EGLN3: variants seen among roughly 807,000 people sequenced by gnomAD.
The protein encoded by EGLN3 is prolyl hydroxylase EGLN3.
In EGLN3, 15 loss-of-function variants were observed where a neutral mutation model predicts 26.0. The ratio of observed to expected loss-of-function variants is 0.58; its 90% confidence interval spans 0.39 to 0.89. The LOEUF is 0.89. Among genes scored for constraint, EGLN3 ranks in the 40% least tolerant of loss-of-function variants. EGLN3 has a pLI of 0.00. For missense variants in EGLN3, 238 were observed against 311.6 expected (o/e 0.76, Z 1.78); for synonymous variants, 147 against 127.2 (o/e 1.16, Z -1.05).
chr14:33,933,739 C>G (rs1389796766), intron 1 of EGLN3, among the ~76,000 whole-genome samples: 1 of 152,088 alleles, frequency 6.6e-6, no homozygotes, highest in African/African-American at 2.4e-5. Flanking sequence ...GCAAGCCTGA[C>G]TTCAATAACT....
intron 3 of EGLN3, among the ~76,000 whole-genome samples, chr14:33,928,754 T>G (rs2064379653): frequency 6.6e-6 from 1 of 151,864 alleles, no homozygotes; most frequent in Non-Finnish European, 1.5e-5. Flanking sequence ...TAGTTCAACA[T>G]TAGGTTTTTT....
Position 33,929,132 on chromosome 14 carries a change from C to G in EGLN3, c.558G>C (p.Leu186=), listed in dbSNP as rs987678132. The change falls in exon 3 of 5, where the codon CTG becomes CTC. Residue 186 remains leucine, a synonymous_variant. Transcript: ENST00000250457. The part of the protein sequence containing the change: ...ADVEPIFDRL[L]FFWSDRRNPH... The stretch of plus-strand genomic sequence containing the variant: ...GGTTCCTACGATCTGACCAGAAGAA[C>G]AGGAGTCTGTCAAAAATGGGCTCCA... 6 of 1,614,082 alleles carry G rather than the reference C, an allele frequency of 3.7e-6. No individual in the cohort carries two copies. The highest frequency in any genetic ancestry group is 5.1e-6 in the Non-Finnish European group (6 of 1,180,046).
chr14:33,944,367 G>T (rs530515495), intron 1 of EGLN3, among the ~76,000 whole-genome samples: 1 of 152,012 alleles, frequency 6.6e-6, no homozygotes, highest in Admixed American at 6.6e-5. Flanking sequence ...TGATCTGCCC[G>T]CCTCGGCCTC....
chr14:33,944,911 C>G (rs1360516618), intron 1 of EGLN3, among the ~76,000 whole-genome samples: 1 of 152,102 alleles, frequency 6.6e-6, no homozygotes, highest in African/African-American at 2.4e-5. Flanking sequence ...GGCCAGTGGC[C>G]CAAAATTGAG....
intron 1 of EGLN3, among the ~76,000 whole-genome samples, chr14:33,947,207 T>A (rs928639166): frequency 2.6e-5 from 4 of 152,320 alleles, no homozygotes; most frequent in African/African-American, 9.6e-5. Context: ...CCAATATTTA[T>A]CTTGGATATG....
chr14:33,933,039 A>G (rs937377959), intron 1 of EGLN3, among the ~76,000 whole-genome samples: 1 of 152,188 alleles, frequency 6.6e-6, no homozygotes, highest in Non-Finnish European at 1.5e-5. Flanking sequence ...CTGAAAAGAA[A>G]AAGTATGACA....
chr14:33,940,862 CTT>C (rs1247565017), intron 1 of EGLN3, among the ~76,000 whole-genome samples: 10 of 152,176 alleles, frequency 6.6e-5, no homozygotes, highest in Non-Finnish European at 1.5e-4. Flanking sequence ...TGGCAGGAAA[CTT>C]TCCAATTGTA....
intron 1 of EGLN3, among the ~76,000 whole-genome samples, chr14:33,933,322 A>C (rs1368591799): frequency 2.0e-5 from 3 of 151,580 alleles, no homozygotes; most frequent in African/African-American, 7.3e-5. Context: ...TTGAAAAAAA[A>C]AAAAAAGATG....
Position 33,925,851 on chromosome 14 carries a change from G to A in EGLN3, c.*40C>T, listed in dbSNP as rs372424864. Reference sequence around the variant, plus strand: ...AAGAATTTAAGAGAATTCAGGAACCGTTACTAAAATGAACAAGGCCAGCAG... The same window carrying A: ...AAGAATTTAAGAGAATTCAGGAACCATTACTAAAATGAACAAGGCCAGCAG... On this transcript the variant is annotated 3_prime_UTR_variant, in exon 5 of 5. Transcript: ENST00000250457. The A allele has an allele frequency of 8.1e-5, 130 of 1,611,456 alleles. No individual in the cohort carries two copies. Among genetic ancestry groups the A allele is most frequent in the Non-Finnish European group, 9.1e-5 (107 of 1,177,944 alleles).
intron 2 of EGLN3, among the ~76,000 whole-genome samples, chr14:33,930,643 T>C (rs1433297900): frequency 6.6e-6 from 1 of 152,180 alleles, no homozygotes; most frequent in African/African-American, 2.4e-5. Context: ...CAATGAGACA[T>C]ACCACCCCGA....
At position 33,945,755 on chromosome 14, in the gene EGLN3, C is replaced by T. The variant is rs565378989; in HGVS notation, c.357+4641G>A. Among the ~76,000 whole-genome samples, 82 of 152,244 alleles carry T rather than the reference C, an allele frequency of 5.4e-4. 2 individuals carry two copies. In the South Asian group the frequency reaches 0.013, roughly 24 times the overall value. On this transcript the variant is annotated intron_variant, in intron 1 of 4. Transcript: ENST00000250457. ...CTGCATTTCTTGCACTTGGATCCTG[C>T]GAGATCACTTCATAGTACATTGCTT...
At chr14:33,949,762 G>GAA (rs972577051) in intron 1 of EGLN3, 15 of 154,138 alleles carry the variant, frequency 9.7e-5, no homozygotes, top group Non-Finnish European at 1.6e-4. Flanking sequence ...TCATAGTTAG[G>GAA]AAAAGGAAGG....
chr14:33,931,255 G>A lies in EGLN3; in HGVS notation c.358-40C>T, dbSNP rs773957294. 4 of 1,613,460 alleles carry A rather than the reference G, an allele frequency of 2.5e-6. No homozygotes were observed. The South Asian group carries it at 4.4e-5, about 18-fold the overall frequency. On this transcript the variant is annotated intron_variant, in intron 1 of 4. Coordinates refer to ENST00000250457, the MANE Select transcript of EGLN3 (RefSeq NM_022073.4). Reference sequence around the variant, plus strand: ...CAAGAAAGCTGGTTAACAAAGCTGAGACAGACAATCTTCTCCTCCCACTGG... The same window carrying A: ...CAAGAAAGCTGGTTAACAAAGCTGAAACAGACAATCTTCTCCTCCCACTGG...
In EGLN3 at chr14:33,939,116, T is replaced by C. The variant is rs553957197; in HGVS notation, c.358-7901A>G. Among the ~76,000 whole-genome samples, 151 of 152,208 alleles carry C rather than the reference T, an allele frequency of 9.9e-4. 1 individual carries two copies. The highest frequency in any genetic ancestry group is 1.8e-3 in the Non-Finnish European group (124 of 67,998). ...TACTTAAAGAATCCATAACTCAAAATAATTGGTAAGACAAGACTTTAATAA... is the reference window on the plus strand; with the variant it reads ...TACTTAAAGAATCCATAACTCAAAACAATTGGTAAGACAAGACTTTAATAA... On this transcript the variant is annotated intron_variant, in intron 1 of 4. Transcript: ENST00000250457.
intron 1 of EGLN3, among the ~76,000 whole-genome samples, chr14:33,945,980 C>T (rs1021322477): frequency 2.0e-5 from 3 of 152,134 alleles, no homozygotes; most frequent in Non-Finnish European, 4.4e-5. Flanking sequence ...AGGGGAGGAC[C>T]AATTGGTCTG....
intron 1 of EGLN3, among the ~76,000 whole-genome samples, chr14:33,936,415 T>C (rs1398246195): frequency 1.3e-5 from 2 of 152,080 alleles, no homozygotes; most frequent in Non-Finnish European, 2.9e-5. Flanking sequence ...TGCCAATGTT[T>C]TTAGTCAGCT....
chr14:33,937,385 T>A (rs925025771), intron 1 of EGLN3, among the ~76,000 whole-genome samples: 1 of 152,228 alleles, frequency 6.6e-6, no homozygotes, highest in African/African-American at 2.4e-5. Flanking sequence ...TGGTCATCTT[T>A]GTTGTTGGTT....
chr14:33,931,385 C>T (rs529311655), intron 1 of EGLN3, 170 bp from the exon 2 acceptor site: 3 of 883,522 alleles, frequency 3.4e-6, no homozygotes, highest in Non-Finnish European at 3.4e-6. Flanking sequence ...CTCTTCTGTG[C>T]ACAATGGCCA....
intron 1 of EGLN3, among the ~76,000 whole-genome samples, chr14:33,938,118 T>C (rs12435664): frequency 0.18 from 27,217 of 152,140 alleles, 2,663 homozygotes; most frequent in South Asian, 0.3. Flanking sequence ...GTAAGAAATA[T>C]GCACGCACAC....
Sources: gnomAD v4.1 joint callset for allele counts (sites outside exome capture counted in the v4.1 genomes callset) on GRCh38, gnomAD v4.1.1 for gene constraint, MANE v1.5 for transcripts, NCBI Gene and HGNC (gene_info 2026-07-23, HGNC 2026-07-21) for gene names.